The following ASCC3 variants were observed in gnomAD, a reference collection of about 807,000 sequenced individuals.
ASCC3 encodes ASC-1 complex subunit P200.
ASCC3 carries 158 observed loss-of-function variants against 256.3 expected under a neutral mutation model. The ratio of observed to expected loss-of-function variants is 0.62; its 90% CI spans 0.54 to 0.70. The LOEUF is 0.70. ASCC3 is among the 30% of genes least tolerant of loss of function. The pLI, the probability that ASCC3 is intolerant of heterozygous loss-of-function variation, is 0.00. For missense variants in ASCC3, 2,259 were observed against 2,626.0 expected (o/e 0.86, Z 3.05); for synonymous variants, 948 against 883.4 (o/e 1.07, Z -1.30).
intron 34 of ASCC3, among the ~76,000 whole-genome samples, chr6:100,592,917 CA>C (rs1351416224): frequency 2.0e-5 from 3 of 152,070 alleles, no homozygotes; most frequent in Admixed American, 6.6e-5. Flanking sequence ...ATGTTCACTG[CA>C]TTGAATCATC....
At chr6:100,570,373 A>T (rs561192012) in intron 36 of ASCC3, among the ~76,000 whole-genome samples, 2 of 152,214 alleles carry the variant, frequency 1.3e-5, no homozygotes, top group African/African-American at 4.8e-5. Flanking sequence ...TCTCAAGGGG[A>T]ATGATTCCAG....
chr6:100,662,625 C>T (rs769045039), intron 14 of ASCC3, 89 bp from the exon 15 acceptor site: 82 of 1,256,682 alleles, frequency 6.5e-5, no homozygotes, highest in Non-Finnish European at 9.0e-5. Context: ...TCAAAGAAAT[C>T]AGAAAATTAT....
chr6:100,739,857 AT>A (rs1780345903), intron 10 of ASCC3, among the ~76,000 whole-genome samples: 1 of 151,842 alleles, frequency 6.6e-6, no homozygotes, highest in Non-Finnish European at 1.5e-5. Flanking sequence ...TGGTCTAACA[AT>A]TTTGTTAATT....
intron 37 of ASCC3, among the ~76,000 whole-genome samples, chr6:100,529,855 C>T (rs945865597): frequency 3.9e-5 from 6 of 152,126 alleles, no homozygotes; most frequent in Non-Finnish European, 8.8e-5. Context: ...CTTCACTAGA[C>T]TATTGTAGAA....
intron 33 of ASCC3, among the ~76,000 whole-genome samples, chr6:100,605,197 A>G (rs1310681848): frequency 1.3e-5 from 2 of 152,120 alleles, no homozygotes; most frequent in Non-Finnish European, 2.9e-5. Flanking sequence ...TTTGATTATT[A>G]TTAGTACTCT....
rs1211919441 is a variant in ASCC3 at position 100,582,198 on chromosome 6, T to C, written c.5550+7436A>G. Among the ~76,000 whole-genome samples, 2 of 152,134 alleles carry C rather than the reference T, an allele frequency of 1.3e-5. 1 individual carries two copies. The highest frequency in any genetic ancestry group is 2.9e-5 in the Non-Finnish European group (2 of 68,028). Reference sequence around the variant, plus strand: ...GGGCAGTATGGCCATTATCATGATATTGATTCTTCCTACCCATGAGCATGG... The same window carrying C: ...GGGCAGTATGGCCATTATCATGATACTGATTCTTCCTACCCATGAGCATGG... On this transcript the variant is annotated intron_variant, in intron 36 of 41. Coordinates refer to ENST00000369162, the MANE Select transcript of ASCC3 (RefSeq NM_006828.4).
At chr6:100,527,759 T>C (rs1774655148) in intron 37 of ASCC3, among the ~76,000 whole-genome samples, 1 of 152,108 alleles carries the variant, frequency 6.6e-6, no homozygotes, top group Non-Finnish European at 1.5e-5. Flanking sequence ...TTATATCTTC[T>C]TTTTCTTCCC....
intron 10 of ASCC3, among the ~76,000 whole-genome samples, chr6:100,734,421 T>TA (rs1416128089): frequency 6.6e-6 from 1 of 152,166 alleles, no homozygotes; most frequent in Non-Finnish European, 1.5e-5. Context: ...GTAATTATTA[T>TA]AAAAAGACTA....
chr6:100,606,995 C>T lies in ASCC3; in HGVS notation c.4879G>A (p.Asp1627Asn). 6.2e-7 allele frequency: 1 copy of T among 1,613,630 alleles called. No individual in the cohort carries two copies. Among genetic ancestry groups the T allele is most frequent in the East Asian group, 2.2e-5 (1 of 44,796 alleles). ...AATAGTTCCTCTACTGTTTTTCGGT[C>T]CCTCTCATGTAGTCCAGCATGATGC... ...GMHHAGLHER[D>N]RKTVEELFVN... The change falls in exon 31 of 42, where the codon GAC becomes AAC. Residue 1627 changes from aspartate to asparagine, a missense_variant. Asp to Asn is a conservative substitution (Grantham distance 23). Around this residue, in one of 2 missense-constraint regions of ASCC3, gnomAD observed 1,839 missense variants for 2,206.7 expected, o/e 0.83. Coordinates refer to ENST00000369162, the MANE Select transcript of ASCC3 (RefSeq NM_006828.4).
intron 39 of ASCC3, among the ~76,000 whole-genome samples, chr6:100,514,480 A>G (rs1200100769): frequency 6.6e-6 from 1 of 152,226 alleles, no homozygotes; most frequent in African/African-American, 2.4e-5. Flanking sequence ...TTTTGTTATT[A>G]GTAACTCATT....
intron 37 of ASCC3, chr6:100,530,591 T>C: frequency 1.3e-6 from 1 of 790,648 alleles, no homozygotes. Context: ...TGTTGATTAT[T>C]GCATGGATGT....
chr6:100,602,702 T>C (rs1445541863), intron 33 of ASCC3, among the ~76,000 whole-genome samples: 1 of 152,102 alleles, frequency 6.6e-6, no homozygotes, highest in African/African-American at 2.4e-5. Context: ...CCTAGTCATA[T>C]AAGACATTAT....
chr6:100,823,308 C>A (rs1173259075), intron 4 of ASCC3, among the ~76,000 whole-genome samples: 1 of 152,114 alleles, frequency 6.6e-6, no homozygotes, highest in Non-Finnish European at 1.5e-5. Flanking sequence ...CGCACAGATA[C>A]AAGTTCCTGA....
chr6:100,758,114 G>A (rs767526455), intron 10 of ASCC3, among the ~76,000 whole-genome samples: 2 of 152,040 alleles, frequency 1.3e-5, no homozygotes, highest in African/African-American at 2.4e-5. Context: ...AAAAGTCCAG[G>A]ATGCAACTGA....
chr6:100,833,693 A>G (rs552631708), intron 4 of ASCC3, among the ~76,000 whole-genome samples: 2 of 152,342 alleles, frequency 1.3e-5, no homozygotes, highest in South Asian at 4.1e-4. Context: ...ATCGATGAAA[A>G]TGATTATTCC....
chr6:100,715,346 T>G, intron 13 of ASCC3, 116 bp downstream of exon 13: 1 of 825,768 alleles, frequency 1.2e-6, no homozygotes, highest in Non-Finnish European at 2.0e-6. Flanking sequence ...TCTGAGTCAT[T>G]GCCTCAGAAT....
At chr6:100,567,934 G>A (rs1770355985) in intron 36 of ASCC3, among the ~76,000 whole-genome samples, 1 of 152,190 alleles carries the variant, frequency 6.6e-6, no homozygotes, top group Non-Finnish European at 1.5e-5. Context: ...GCGTTGTATA[G>A]TAGTTGTTTC....
chr6:100,526,035 T>A (rs973201076), intron 37 of ASCC3, among the ~76,000 whole-genome samples: 2 of 152,134 alleles, frequency 1.3e-5, no homozygotes, highest in African/African-American at 4.8e-5. Flanking sequence ...ATAATTAAAA[T>A]GCTATAAGTA....
intron 29 of ASCC3, among the ~76,000 whole-genome samples, chr6:100,625,771 T>C (rs78125357): frequency 0.03 from 4,615 of 152,226 alleles, 78 homozygotes; most frequent in African/African-American, 0.055. Flanking sequence ...TCAAGTCCTG[T>C]CAAGTGACGG....
Sources: gnomAD v4.1 joint callset for allele counts (sites outside exome capture counted in the v4.1 genomes callset) on GRCh38, gnomAD v4.1.1 for gene constraint, gnomAD v4.1.1 regional missense constraint, MANE v1.5 for transcripts, NCBI Gene and HGNC (gene_info 2026-07-23, HGNC 2026-07-21) for gene names.